SUN3: variants seen among roughly 807,000 people sequenced by gnomAD.
SUN3 encodes the protein Sad1 and UNC84 domain containing 3.
Under a neutral mutation model 48.2 loss-of-function variants are expected in SUN3, and 36 were observed. The observed-to-expected ratio is 0.75, with a 90% CI of 0.57 to 0.99. The LOEUF is 0.99. Ranked by LOEUF, SUN3 falls within the 50% of genes least tolerant of loss-of-function variation. SUN3 has a pLI of 0.00. For synonymous variants in SUN3, 148 were observed against 147.9 expected (o/e 1.00, Z 0.00); for missense variants, 419 against 433.1 (o/e 0.97, Z 0.29).
chr7:48,034,496 C>A, the SUN3 span, among the ~76,000 whole-genome samples: 1 of 152,166 alleles, frequency 6.6e-6, no homozygotes, highest in Non-Finnish European at 1.5e-5. Flanking sequence ...TTGCTGCAGT[C>A]GTTGGAACAA....
intron 6 of SUN3, among the ~76,000 whole-genome samples, chr7:47,996,963 G>A (rs918522708): frequency 1.3e-5 from 2 of 151,932 alleles, no homozygotes; most frequent in African/African-American, 4.8e-5. Context: ...CACCACGCCG[G>A]CTAAGTTTTT....
intron 6 of SUN3, among the ~76,000 whole-genome samples, chr7:48,002,467 A>G (rs369209283): frequency 2.9e-5 from 4 of 136,540 alleles, no homozygotes; most frequent in African/African-American, 8.3e-5. Flanking sequence ...CTTGATTTGC[A>G]TTTCTCTAAT....
upstream of SUN3, among the ~76,000 whole-genome samples, chr7:48,030,436 G>C (rs1790239696): frequency 6.6e-6 from 1 of 152,160 alleles, no homozygotes; most frequent in East Asian, 1.9e-4. Flanking sequence ...TCCTTTCAAA[G>C]ATGTGATACA....
intron 7 of SUN3, among the ~76,000 whole-genome samples, chr7:47,995,537 T>G (rs1248008422): frequency 1.3e-5 from 2 of 152,228 alleles, no homozygotes; most frequent in Non-Finnish European, 2.9e-5. Flanking sequence ...CTGCTGTCTA[T>G]TGATGGCTAC....
chr7:47,989,263 G>A (rs902584610), intron 8 of SUN3, among the ~76,000 whole-genome samples: 2 of 152,160 alleles, frequency 1.3e-5, no homozygotes, highest in African/African-American at 4.8e-5. Flanking sequence ...TTTGCAATAA[G>A]CATACTTTGA....
Position 48,009,052 on chromosome 7 carries a change from C to G in SUN3, c.312G>C (p.Glu104Asp). The G allele has an allele frequency of 6.2e-7, 1 of 1,612,404 alleles. No individual in the cohort carries two copies. Among genetic ancestry groups the G allele is most frequent in the Non-Finnish European group, 8.5e-7 (1 of 1,179,430 alleles). Residue 104 changes from glutamate (E) to aspartate (D), a missense_variant, in exon 4 of 10, where the codon GAG becomes GAC. Physicochemically the swap from Glu to Asp is conservative, Grantham distance 45. Transcript: ENST00000297325. The stretch of plus-strand genomic sequence containing the variant: ...GCACTCACTTTAAAAGTTCCAGTTG[C>G]TCTTTAGGCATACGAAGTCTGGCCT... The part of the protein sequence containing the change: ...KYQARLRMPK[E>D]QLELLKKESQ...
intron 6 of SUN3, among the ~76,000 whole-genome samples, chr7:48,001,054 AT>A (rs1326524597): frequency 6.6e-6 from 1 of 151,652 alleles, no homozygotes; most frequent in African/African-American, 2.4e-5. Flanking sequence ...GAATTGCATA[AT>A]TTCTTTTGAT....
chr7:47,999,381 G>A (rs1583751570), intron 6 of SUN3, among the ~76,000 whole-genome samples: 1 of 152,102 alleles, frequency 6.6e-6, no homozygotes, highest in East Asian at 1.9e-4. Context: ...TTCTACATAA[G>A]CAATCATGTT....
At chr7:48,007,391 T>G (rs1383650726) in intron 4 of SUN3, 64 bp from the exon 5 acceptor site, 1 of 1,511,734 alleles carries the variant, frequency 6.6e-7, no homozygotes, top group African/African-American at 1.4e-5. Context: ...CAGCTGTTGC[T>G]GGGCTCCACC....
In SUN3 at chr7:48,028,819, A is replaced by G; in HGVS notation, c.120T>C (p.Asn40=). Residue 40 remains asparagine, a splice_region_variant and synonymous_variant, in exon 1 of 10, where the codon AAT becomes AAC. Coordinates refer to ENST00000297325, the MANE Select transcript of SUN3 (RefSeq NM_001030019.2). ...ACCGTTCTGCCATGTTTACCTACCC[A>G]TTCGCATCAGGATTTTCGTCCTCTG... ...LLSEDENPDA[N]GVTRSWKIIL... 1 of 1,613,754 alleles carries G rather than the reference A, an allele frequency of 6.2e-7. No individual in the cohort carries two copies. Among genetic ancestry groups the G allele is most frequent in the Non-Finnish European group, 8.5e-7 (1 of 1,179,726 alleles).
chr7:48,002,558 GCC>G (rs1469815241), intron 6 of SUN3, among the ~76,000 whole-genome samples: 2 of 152,096 alleles, frequency 1.3e-5, no homozygotes, highest in African/African-American at 4.8e-5. Flanking sequence ...CATGTCCTTT[GCC>G]CACTTTTTAA....
intron 3 of SUN3, among the ~76,000 whole-genome samples, chr7:48,010,323 A>G (rs1408078926): frequency 6.6e-6 from 1 of 152,172 alleles, no homozygotes; most frequent in Non-Finnish European, 1.5e-5. Flanking sequence ...ACAAGCTGGT[A>G]AGAAGGGGAG....
chr7:48,015,916 C>A (rs1052983240), intron 3 of SUN3, among the ~76,000 whole-genome samples: 1 of 152,182 alleles, frequency 6.6e-6, no homozygotes, highest in African/African-American at 2.4e-5. Flanking sequence ...CCTGAAAAGA[C>A]CCCCTTCTTG....
chr7:48,034,562 G>A, the SUN3 span, among the ~76,000 whole-genome samples: 4 of 152,164 alleles, frequency 2.6e-5, no homozygotes, highest in Non-Finnish European at 4.4e-5. Context: ...TCTCACAAGC[G>A]GTTACCACCG....
At chr7:48,011,958 G>A (rs1176568118) in intron 3 of SUN3, among the ~76,000 whole-genome samples, 2 of 152,152 alleles carry the variant, frequency 1.3e-5, no homozygotes. Flanking sequence ...GGTGGGAGAG[G>A]GGGCAGGCCA....
Position 48,025,930 on chromosome 7 carries a change from C to A in SUN3, c.131G>T (p.Arg44Leu), listed in dbSNP as rs371894282. The stretch of plus-strand genomic sequence containing the variant: ...TGTACTTAGAATAATCTTCCATGAT[C>A]GAGTTACCCTAAAAGAATAAAAACA... The part of the protein sequence containing the change: ...DENPDANGVT[R>L]SWKIILSTML... The change falls in exon 2 of 10, where the codon CGA becomes CTA. Residue 44 changes from arginine (R) to leucine (L), a missense_variant. By Grantham distance (102) the Arg-to-Leu change is moderately radical (BLOSUM62 -2). Transcript: ENST00000297325. 2 of 1,596,458 alleles carry A rather than the reference C, an allele frequency of 1.3e-6. No individual in the cohort carries two copies. Among genetic ancestry groups the A allele is most frequent in the South Asian group, 2.2e-5 (2 of 89,370 alleles).
At chr7:48,001,520 CTGTTTTTTT>C (rs1214637840) in intron 6 of SUN3, among the ~76,000 whole-genome samples, 21 of 113,366 alleles carry the variant, frequency 1.9e-4, no homozygotes, top group South Asian at 3.3e-4. Context: ...CATGTCTTTT[CTGTTTTTTT>C]TGTTTTTTTT....
chr7:48,028,336 G>A (rs1790190921), intron 1 of SUN3, among the ~76,000 whole-genome samples: 1 of 151,730 alleles, frequency 6.6e-6, no homozygotes, highest in African/African-American at 2.4e-5. Context: ...GAAACAGGGT[G>A]ATTCACTCAA....
chr7:48,007,885 G>A (rs1398128613), intron 4 of SUN3, among the ~76,000 whole-genome samples: 7 of 151,080 alleles, frequency 4.6e-5, no homozygotes, highest in African/African-American at 9.8e-5. Flanking sequence ...GTGCAGTGGC[G>A]TGATCTCGGC....
Sources: allele counts gnomAD v4.1 joint callset (sites outside exome capture counted in the v4.1 genomes callset), GRCh38; gene constraint gnomAD v4.1.1; transcripts MANE v1.5; gene names NCBI Gene and HGNC (gene_info 2026-07-23, HGNC 2026-07-21).